FREM3: variants seen among roughly 807,000 people sequenced by gnomAD.
FREM3 encodes the protein FRAS1 related extracellular matrix 3.
Under a neutral mutation model 129.1 loss-of-function variants are expected in FREM3, and 105 were observed. The observed-to-expected ratio is 0.81, with a 90% confidence interval of 0.69 to 0.96. The LOEUF (loss-of-function observed/expected upper bound fraction) is 0.96, where lower values mean the gene tolerates loss of function less well. Among genes scored for constraint, FREM3 ranks in the 40% least tolerant of loss-of-function variants. The probability of loss-of-function intolerance (pLI) is 0.00; values close to 1 mark genes in which losing one functional copy is unlikely to be tolerated. For missense variants in FREM3, 2,593 were observed against 2,666.3 expected (o/e 0.97, Z 0.61); for synonymous variants, 1,014 against 1,044.9 (o/e 0.97, Z 0.57).
chr4:143,585,772 A>G lies in FREM3; in HGVS notation c.6178+72T>C. On this transcript the variant is annotated intron_variant, in intron 7 of 7. Coordinates refer to ENST00000329798, the MANE Select transcript of FREM3 (RefSeq NM_001168235.2). The surrounding 1 kb of genome is among the most constrained non-coding windows in gnomAD (Gnocchi z 4.2). Reference sequence around the variant, plus strand: ...CCATCAACAAAGACTAAGCATGCTTACACTTAACAGACTAGACTCCACCAT... The same window carrying G: ...CCATCAACAAAGACTAAGCATGCTTGCACTTAACAGACTAGACTCCACCAT... 2 of 1,441,074 alleles carry G rather than the reference A, an allele frequency of 1.4e-6. No individual in the cohort carries two copies. The highest frequency in any genetic ancestry group is 1.8e-4 in the Middle Eastern group (1 of 5,658). 89.3% of individuals were successfully genotyped at this position (1,441,074 alleles called of 1,614,324 possible). A position where few individuals can be genotyped will look rare whatever the true frequency, so the allele number is the denominator to read the frequency against.
chr4:143,699,723 T>G lies in FREM3; in HGVS notation c.953A>C (p.Asp318Ala). ...SFMATMMMEV[D>A]PLVLTALTPD... ...CGTCAGGGCTGTCAGCACCAGTGGATCCACCTCCATCATCATCGTGGCCAT... is the reference window on the plus strand; with the variant it reads ...CGTCAGGGCTGTCAGCACCAGTGGAGCCACCTCCATCATCATCGTGGCCAT... Residue 318 changes from aspartate (D) to alanine (A), a missense_variant, in exon 1 of 8, where the codon GAT becomes GCT. By Grantham distance (126) the Asp-to-Ala change is moderately radical. Transcript: ENST00000329798. This position sits in a 1 kb window ranked among gnomAD's most constrained non-coding sequence, Gnocchi z 4.2. 1.3e-6 allele frequency: 2 copies of G among 1,518,482 alleles called. No homozygotes were observed. The highest frequency in any genetic ancestry group is 1.8e-6 in the Non-Finnish European group (2 of 1,136,202). The allele number at this position is 1,518,482 out of a possible 1,614,324, so 94.1% of individuals were successfully genotyped here.
At chr4:143,677,079 T>G (rs1176458857) in intron 2 of FREM3, among the ~76,000 whole-genome samples, 2 of 152,080 alleles carry the variant, frequency 1.3e-5, no homozygotes, top group Non-Finnish European at 2.9e-5. Flanking sequence ...GAGCCCGCAT[T>G]GCCAAGTCAA....
At chr4:143,633,906 A>C (rs1739186263) in intron 2 of FREM3, among the ~76,000 whole-genome samples, 1 of 152,158 alleles carries the variant, frequency 6.6e-6, no homozygotes, top group African/African-American at 2.4e-5. Context: ...CTTAAGCATT[A>C]AAACAGTGAC....
At chr4:143,607,002 T>TC (rs1203921435) in intron 6 of FREM3, among the ~76,000 whole-genome samples, 1 of 152,146 alleles carries the variant, frequency 6.6e-6, no homozygotes, top group African/African-American at 2.4e-5. Flanking sequence ...TTATTTAGTC[T>TC]CTAGGAAAAC....
intron 2 of FREM3, among the ~76,000 whole-genome samples, chr4:143,678,210 A>G (rs1449622834): frequency 6.6e-6 from 1 of 152,230 alleles, no homozygotes; most frequent in African/African-American, 2.4e-5. Context: ...CTATGCAGCC[A>G]TAAAAACTGA....
At chr4:143,670,832 T>TCACA (rs1056448394) in intron 2 of FREM3, among the ~76,000 whole-genome samples, 48 of 152,204 alleles carry the variant, frequency 3.2e-4, no homozygotes, top group African/African-American at 1.1e-3. Context: ...TTTTGCATGA[T>TCACA]CACACCAACT....
At chr4:143,671,294 A>C (rs932323415) in intron 2 of FREM3, among the ~76,000 whole-genome samples, 1 of 152,180 alleles carries the variant, frequency 6.6e-6, no homozygotes, top group Non-Finnish European at 1.5e-5. Flanking sequence ...TGAATTAACC[A>C]AATTATCTCC....
chr4:143,624,803 A>T (rs960478224), intron 3 of FREM3, among the ~76,000 whole-genome samples: 2 of 152,184 alleles, frequency 1.3e-5, no homozygotes, highest in African/African-American at 4.8e-5. Context: ...CATGGCAGGT[A>T]GTAGGTATTC....
At chr4:143,689,273 A>C (rs1187116763) in intron 2 of FREM3, among the ~76,000 whole-genome samples, 1 of 152,206 alleles carries the variant, frequency 6.6e-6, no homozygotes, top group African/African-American at 2.4e-5. Flanking sequence ...AAACATGAAA[A>C]AATGCCCAAC....
In FREM3 at chr4:143,696,338, G is replaced by T; in HGVS notation, c.4338C>A (p.Asn1446Lys). ...LIEGARVTLTNNLLTNSDINS... is the reference protein window; with the variant it reads ...LIEGARVTLTKNLLTNSDINS... ...TGATGTCACTGTTGGTAAGCAGATT[G>T]TTGGTAAGGGTCACTCTGGCACCTT... Residue 1446 changes from asparagine (N) to lysine (K), a missense_variant, in exon 1 of 8, where the codon AAC becomes AAA. Physicochemically the swap from Asn to Lys is moderately conservative, Grantham distance 94 (BLOSUM62 0). Coordinates refer to ENST00000329798, the MANE Select transcript of FREM3 (RefSeq NM_001168235.2). The T allele has an allele frequency of 2.0e-6, 3 of 1,537,426 alleles. No homozygotes were observed. The highest frequency in any genetic ancestry group is 2.6e-6 in the Non-Finnish European group (3 of 1,146,954).
chr4:143,605,680 C>G (rs114738304), intron 6 of FREM3, among the ~76,000 whole-genome samples: 31 of 152,218 alleles, frequency 2.0e-4, no homozygotes, highest in African/African-American at 7.5e-4. Flanking sequence ...ATTTACATTC[C>G]TTATTCTCTT....
intron 2 of FREM3, among the ~76,000 whole-genome samples, chr4:143,638,070 G>A (rs575407214): frequency 5.9e-5 from 9 of 152,252 alleles, no homozygotes; most frequent in South Asian, 2.1e-4. Context: ...GTCATGCTAT[G>A]TATAACAATA....
chr4:143,640,015 C>T (rs1045403826), intron 2 of FREM3, among the ~76,000 whole-genome samples: 2 of 152,162 alleles, frequency 1.3e-5, no homozygotes, highest in Non-Finnish European at 2.9e-5. Flanking sequence ...CACAGGCCAG[C>T]GATACCAAGT....
At chr4:143,582,931 C>A (rs530715054) in intron 7 of FREM3, among the ~76,000 whole-genome samples, 2 of 147,268 alleles carry the variant, frequency 1.4e-5, no homozygotes, top group East Asian at 4.0e-4. Flanking sequence ...TGAACTCTGT[C>A]ACCCAGGCTG....
intron 2 of FREM3, among the ~76,000 whole-genome samples, chr4:143,658,700 T>C (rs1739643550): frequency 6.6e-6 from 1 of 152,220 alleles, no homozygotes; most frequent in Non-Finnish European, 1.5e-5. Context: ...TCTTAAAACA[T>C]TATGAGAATT....
At chr4:143,663,423 C>A (rs1309313146) in intron 2 of FREM3, among the ~76,000 whole-genome samples, 1 of 152,166 alleles carries the variant, frequency 6.6e-6, no homozygotes, top group South Asian at 2.1e-4. Context: ...CCACTCTCTT[C>A]TGGCTTGTAG....
At chr4:143,580,930 C>A (rs1285785255) in intron 7 of FREM3, among the ~76,000 whole-genome samples, 1 of 152,194 alleles carries the variant, frequency 6.6e-6, no homozygotes, top group Non-Finnish European at 1.5e-5. Context: ...GCCTCCCGAC[C>A]TGGGACACCA....
intron 2 of FREM3, among the ~76,000 whole-genome samples, chr4:143,649,583 G>A (rs532397330): frequency 6.6e-6 from 1 of 152,218 alleles, no homozygotes; most frequent in African/African-American, 2.4e-5. Context: ...TTGATGATAG[G>A]TAGACCTTCC....
chr4:143,670,369 A>G (rs1739945028), intron 2 of FREM3, among the ~76,000 whole-genome samples: 1 of 152,208 alleles, frequency 6.6e-6, no homozygotes, highest in Admixed American at 6.5e-5. Context: ...GAGTTGTTGT[A>G]TATACATGCC....
Sources: gnomAD v4.1 joint callset for allele counts (sites outside exome capture counted in the v4.1 genomes callset) on GRCh38, gnomAD v4.1.1 for gene constraint, Gnocchi (gnomAD v3.1) non-coding constraint, MANE v1.5 for transcripts, NCBI Gene and HGNC (gene_info 2026-07-23, HGNC 2026-07-21) for gene names.